Variants in MCTP2 observed in about 807,000 individuals in gnomAD.
MCTP2 encodes multiple C2 and transmembrane domain-containing protein 2.
MCTP2 carries 132 observed loss-of-function variants against 111.6 expected under a neutral mutation model. The observed-to-expected ratio is 1.18, with a 90% CI of 1.03 to 1.37. The LOEUF (loss-of-function observed/expected upper bound fraction) is 1.37, where lower values mean the gene tolerates loss of function less well. Among genes scored for constraint, MCTP2 ranks in the 40% most tolerant of loss-of-function variants. MCTP2 has a pLI of 0.00. For missense variants in MCTP2, 1,183 were observed against 1,067.9 expected (o/e 1.11, Z -1.50); for synonymous variants, 395 against 387.7 (o/e 1.02, Z -0.22).
At chr15:94,308,268 G>T (rs1181955064) in intron 2 of MCTP2, among the ~76,000 whole-genome samples, 3 of 152,190 alleles carry the variant, frequency 2.0e-5, no homozygotes, top group Admixed American at 2.0e-4. Flanking sequence ...TAGCAGAGGT[G>T]GGACTCAAAT....
At chr15:94,256,863 C>T (rs1475968427) in intron 1 of MCTP2, among the ~76,000 whole-genome samples, 4 of 152,192 alleles carry the variant, frequency 2.6e-5, no homozygotes, top group Non-Finnish European at 5.9e-5. Flanking sequence ...CACTGGTCTT[C>T]TTCCTTGGAC....
intron 1 of MCTP2, among the ~76,000 whole-genome samples, chr15:94,265,893 A>G (rs1382158495): frequency 2.0e-5 from 3 of 152,210 alleles, no homozygotes; most frequent in Admixed American, 6.5e-5. Flanking sequence ...AACATTTTTA[A>G]TCATTTCATT....
chr15:94,302,722 T>G (rs1270963267), intron 2 of MCTP2, among the ~76,000 whole-genome samples: 1 of 152,196 alleles, frequency 6.6e-6, no homozygotes, highest in East Asian at 1.9e-4. Context: ...TTCACCTAGT[T>G]GTTCAAGCCA....
chr15:94,356,489 T>G (rs2078633182), intron 9 of MCTP2, among the ~76,000 whole-genome samples, 188 bp downstream of exon 9: 1 of 152,230 alleles, frequency 6.6e-6, no homozygotes, highest in Admixed American at 6.5e-5. Flanking sequence ...TTTTAATTGC[T>G]TAGTACAGTT....
intron 1 of MCTP2, among the ~76,000 whole-genome samples, chr15:94,248,745 A>G (rs191298708): frequency 3.3e-5 from 5 of 152,316 alleles, no homozygotes; most frequent in African/African-American, 1.2e-4. Context: ...TTGGTGAACA[A>G]TGAGCCAAAA....
chr15:94,249,595 C>T (rs1032830026), intron 1 of MCTP2, among the ~76,000 whole-genome samples: 1 of 151,930 alleles, frequency 6.6e-6, no homozygotes, highest in African/African-American at 2.4e-5. Context: ...ACGCCATTCT[C>T]CTGCCTCAGC....
rs1040591908 is a variant in MCTP2, at chr15:94,421,879, T to A, written c.2086-18297T>A. ...TGGGTGCCTATTTGGGATTCCATTA[T>A]TCTGCCTACCACAATGAGGTCGTGC... On this transcript the variant is annotated intron_variant, in intron 17 of 22. Transcript: ENST00000357742. 2.0e-5 allele frequency among the ~76,000 whole-genome samples: 3 copies of A among 152,200 alleles called. No individual in the cohort carries two copies. In the East Asian group the frequency reaches 5.8e-4, roughly 29 times the overall value.
chr15:94,306,017 C>T (rs766521077), intron 2 of MCTP2, among the ~76,000 whole-genome samples: 3 of 151,944 alleles, frequency 2.0e-5, no homozygotes, highest in Admixed American at 1.3e-4. Flanking sequence ...TGGTTCTTGC[C>T]GTAGGTATTG....
rs577136658 is a variant in MCTP2 at position 94,232,544 on chromosome 15, T to C, written c.-66+880T>C. ...ATTTACATTAGCATTCATTTTTTGCTTGAGTCAGTAGCATTTCAATTCAAC... is the reference window on the plus strand; with the variant it reads ...ATTTACATTAGCATTCATTTTTTGCCTGAGTCAGTAGCATTTCAATTCAAC... On this transcript the variant is annotated intron_variant, in intron 1 of 22. Coordinates refer to ENST00000357742, the MANE Select transcript of MCTP2 (RefSeq NM_001385001.1). Among the ~76,000 whole-genome samples the C allele has an allele frequency of 2.0e-5, 3 of 152,322 alleles. No individual in the cohort carries two copies. In the East Asian group the frequency reaches 5.8e-4, roughly 29 times the overall value.
intron 1 of MCTP2, among the ~76,000 whole-genome samples, chr15:94,267,946 A>G (rs1169582207): frequency 1.5e-5 from 2 of 132,866 alleles, no homozygotes; most frequent in Non-Finnish European, 3.1e-5. Context: ...GCTCACTGCA[A>G]GCTCTGCCTC....
chr15:94,255,733 G>A (rs903076107), intron 1 of MCTP2, among the ~76,000 whole-genome samples: 2 of 152,132 alleles, frequency 1.3e-5, no homozygotes, highest in Non-Finnish European at 2.9e-5. Context: ...TTCTGAAGCC[G>A]AGGCAGTTTC....
chr15:94,352,611 G>C (rs1448479703), intron 8 of MCTP2, among the ~76,000 whole-genome samples: 1 of 152,158 alleles, frequency 6.6e-6, no homozygotes, highest in East Asian at 1.9e-4. Context: ...CAGTTCAGGT[G>C]GGGTGGCTTT....
At chr15:94,316,417 A>G (rs2152366643) in intron 4 of MCTP2, among the ~76,000 whole-genome samples, 1 of 152,340 alleles carries the variant, frequency 6.6e-6, no homozygotes. Flanking sequence ...TTAAGAGCAG[A>G]CAGTTGAGCT....
In MCTP2 at chr15:94,298,745, G is replaced by A; in HGVS notation, c.465+15G>A. The A allele has an allele frequency of 6.6e-7, 1 of 1,525,044 alleles. No individual in the cohort carries two copies. The highest frequency in any genetic ancestry group is 8.8e-7 in the Non-Finnish European group (1 of 1,138,162). The allele number at this position is 1,525,044 out of a possible 1,614,324, so 94.5% of individuals were successfully genotyped here. A position where few individuals can be genotyped will look rare whatever the true frequency, so the allele number is the denominator to read the frequency against. ...AAGAGCCAGAGGTGAGAATAGGGCT[G>A]GGCTCTCTTTTTTTTTGTCTCTCTC... On this transcript the variant is annotated intron_variant, in intron 2 of 22. Coordinates refer to ENST00000357742, the MANE Select transcript of MCTP2 (RefSeq NM_001385001.1).
intron 4 of MCTP2, among the ~76,000 whole-genome samples, chr15:94,327,940 G>A (rs2076954054): frequency 6.6e-6 from 1 of 152,054 alleles, no homozygotes; most frequent in Non-Finnish European, 1.5e-5. Context: ...CTGTTTCTGT[G>A]GAACCCCATC....
intron 4 of MCTP2, among the ~76,000 whole-genome samples, chr15:94,333,653 A>G (rs2077228847): frequency 6.6e-6 from 1 of 152,186 alleles, no homozygotes; most frequent in Non-Finnish European, 1.5e-5. Flanking sequence ...GGAGAACAAA[A>G]TCTTCAAATT....
At chr15:94,474,284 T>C (rs374198910) in intron 21 of MCTP2, among the ~76,000 whole-genome samples, 8 of 152,180 alleles carry the variant, frequency 5.3e-5, no homozygotes, top group Admixed American at 3.9e-4. Context: ...TCACTTCCTT[T>C]GTCTCCTTAG....
chr15:94,298,123 G>T, intron 1 of MCTP2, 78 bp from the exon 2 acceptor site: 1 of 560,358 alleles, frequency 1.8e-6, no homozygotes. Context: ...TCACTTTGAT[G>T]TGCCTTACTG....
At chr15:94,445,669 A>C (rs2084074858) in intron 19 of MCTP2, among the ~76,000 whole-genome samples, 1 of 152,178 alleles carries the variant, frequency 6.6e-6, no homozygotes, top group African/African-American at 2.4e-5. Context: ...GCTCCCCGTC[A>C]TAGTGAGCTG....
Sources: gnomAD v4.1 joint callset for allele counts (sites outside exome capture counted in the v4.1 genomes callset) on GRCh38, gnomAD v4.1.1 for gene constraint, MANE v1.5 for transcripts, NCBI Gene and HGNC (gene_info 2026-07-23, HGNC 2026-07-21) for gene names.